Variants in FGF14 observed in about 807,000 individuals in gnomAD.
The protein encoded by FGF14 is fibroblast growth factor 14.
Under a neutral mutation model 25.5 loss-of-function variants are expected in FGF14, and 5 were observed. That is an observed-to-expected ratio of 0.20 (90% CI 0.10 to 0.41). FGF14 has a LOEUF of 0.41. FGF14 is among the 10% of genes least tolerant of loss of function. FGF14 has a pLI of 1.00. For missense variants in FGF14, 222 were observed against 320.1 expected (o/e 0.69, Z 2.34); for synonymous variants, 138 against 118.3 (o/e 1.17, Z -1.08).
intron 1 of FGF14, among the ~76,000 whole-genome samples, chr13:102,083,240 G>A (rs1409750972): frequency 6.6e-6 from 1 of 152,150 alleles, no homozygotes; most frequent in Non-Finnish European, 1.5e-5. Flanking sequence ...TTATCTGGAT[G>A]GCTGCAAAAG....
intron 1 of FGF14, among the ~76,000 whole-genome samples, chr13:102,075,648 G>A (rs1698454075): frequency 6.6e-6 from 1 of 152,172 alleles, no homozygotes. Context: ...ATTTTAGAGT[G>A]TACTCCTAAC....
intron 1 of FGF14, among the ~76,000 whole-genome samples, chr13:101,982,535 T>C (rs184630325): frequency 6.6e-6 from 1 of 152,340 alleles, no homozygotes; most frequent in Admixed American, 6.5e-5. Context: ...ACATCTTTTA[T>C]GTGAATGTCT....
At chr13:101,791,170 G>A (rs188926564) in intron 3 of FGF14, among the ~76,000 whole-genome samples, 2 of 152,268 alleles carry the variant, frequency 1.3e-5, no homozygotes, top group East Asian at 1.9e-4. Flanking sequence ...CCTCTCAAAT[G>A]TGTGTCCCTT....
intron 3 of FGF14, among the ~76,000 whole-genome samples, chr13:101,758,592 C>G (rs1036283653): frequency 6.6e-6 from 1 of 152,178 alleles, no homozygotes; most frequent in Non-Finnish European, 1.5e-5. Context: ...CATAAAGACA[C>G]AATAACTAAA....
chr13:102,015,143 T>C (rs1433778735), intron 1 of FGF14, among the ~76,000 whole-genome samples: 1 of 152,138 alleles, frequency 6.6e-6, no homozygotes, highest in Non-Finnish European at 1.5e-5. Flanking sequence ...CCTGACTTCA[T>C]GTGATCCACC....
chr13:102,140,094 G>A (rs2046586081), intron 1 of FGF14, among the ~76,000 whole-genome samples: 1 of 149,014 alleles, frequency 6.7e-6, no homozygotes, highest in Non-Finnish European at 1.5e-5. Context: ...TGCTTTGGTG[G>A]AAAATGGTGA....
intron 1 of FGF14, among the ~76,000 whole-genome samples, chr13:102,219,372 A>G (rs114279431): frequency 2.0e-3 from 300 of 152,192 alleles, no homozygotes; most frequent in African/African-American, 6.6e-3. Context: ...TACCCCAGAG[A>G]CAGAAGAAGG....
At chr13:101,780,905 G>A (rs1198615398) in intron 3 of FGF14, among the ~76,000 whole-genome samples, 1 of 152,054 alleles carries the variant, frequency 6.6e-6, no homozygotes, top group African/African-American at 2.4e-5. Flanking sequence ...TGCTCTAAGA[G>A]CTCCAGTGTC....
intron 1 of FGF14, among the ~76,000 whole-genome samples, chr13:102,253,524 T>G (rs761844808): frequency 3.9e-5 from 6 of 152,222 alleles, no homozygotes; most frequent in Non-Finnish European, 7.3e-5. Context: ...GTTGTTTTTT[T>G]CCTGTAAATT....
chr13:102,254,697 T>C (rs987793141), intron 1 of FGF14, among the ~76,000 whole-genome samples: 2 of 152,152 alleles, frequency 1.3e-5, no homozygotes, highest in Non-Finnish European at 2.9e-5. Context: ...GGTAGGAAAT[T>C]CAACAGCATC....
chr13:102,387,976 C>G (rs9582578), intron 1 of FGF14, among the ~76,000 whole-genome samples: 45,278 of 152,046 alleles, frequency 0.3, 7,179 homozygotes, highest in African/African-American at 0.4. Flanking sequence ...GATCCACACG[C>G]CTCAGCCTCT....
At chr13:102,161,573 G>GTC (rs1555369404) in intron 1 of FGF14, among the ~76,000 whole-genome samples, 770 of 5,110 alleles carry the variant, frequency 0.15, 83 homozygotes, top group African/African-American at 0.47. Context: ...TGTGAAGAAA[G>GTC]AAAGAAGAAG....
chr13:102,012,739 C>A (rs2040145925), intron 1 of FGF14, among the ~76,000 whole-genome samples: 1 of 152,148 alleles, frequency 6.6e-6, no homozygotes. Flanking sequence ...CCCTCCCGCA[C>A]TGGGGCTTGT....
At chr13:102,181,531 A>G (rs535847262) in intron 1 of FGF14, among the ~76,000 whole-genome samples, 3 of 152,310 alleles carry the variant, frequency 2.0e-5, no homozygotes, top group Admixed American at 6.5e-5. Context: ...GAAGAGGAGA[A>G]GAGACAGAGG....
intron 1 of FGF14, among the ~76,000 whole-genome samples, chr13:102,208,510 G>A (rs771698936): frequency 1.3e-5 from 2 of 152,122 alleles, no homozygotes; most frequent in African/African-American, 2.4e-5. Context: ...GATAGAAATT[G>A]CATAAACAGA....
chr13:102,067,179 T>A (rs370639405), intron 1 of FGF14, among the ~76,000 whole-genome samples: 1 of 152,144 alleles, frequency 6.6e-6, no homozygotes, highest in African/African-American at 2.4e-5. Flanking sequence ...TTTCAACTGA[T>A]AGGATCATCA....
intron 1 of FGF14, among the ~76,000 whole-genome samples, chr13:101,981,828 G>A (rs1423246572): frequency 1.3e-5 from 2 of 152,182 alleles, no homozygotes; most frequent in Non-Finnish European, 2.9e-5. Flanking sequence ...AGCTGAGAAA[G>A]GCAGAGATGA....
chr13:102,329,888 C>G (rs1443788407), intron 1 of FGF14, among the ~76,000 whole-genome samples: 1 of 152,112 alleles, frequency 6.6e-6, no homozygotes, highest in Admixed American at 6.6e-5. Context: ...TAATTATTAG[C>G]TCTTTATTAC....
intron 3 of FGF14, among the ~76,000 whole-genome samples, chr13:101,730,627 C>A (rs1453204029): frequency 6.6e-6 from 1 of 152,150 alleles, no homozygotes; most frequent in Non-Finnish European, 1.5e-5. Context: ...TTCAATCCTG[C>A]AGTATGCTTT....
Sources: allele counts gnomAD v4.1 joint callset (sites outside exome capture counted in the v4.1 genomes callset), GRCh38; gene constraint gnomAD v4.1.1; transcripts MANE v1.5; gene names NCBI Gene and HGNC (gene_info 2026-07-23, HGNC 2026-07-21).